CNBD1: variants seen among roughly 807,000 people sequenced by gnomAD.
CNBD1 encodes cyclic nucleotide binding domain containing 1.
CNBD1 carries 71 observed loss-of-function variants against 54.4 expected under a neutral mutation model. The observed-to-expected ratio is 1.30, with a 90% confidence interval of 1.08 to 1.59. CNBD1 has a LOEUF of 1.59. Ranked by LOEUF, CNBD1 falls within the 40% of genes most tolerant of loss-of-function variation. The pLI is 0.00. For missense variants in CNBD1, 659 were observed against 518.0 expected (o/e 1.27, Z -2.64); for synonymous variants, 182 against 170.7 (o/e 1.07, Z -0.51).
chr8:87,172,989 C>G (rs1813121099), intron 4 of CNBD1, among the ~76,000 whole-genome samples: 1 of 151,680 alleles, frequency 6.6e-6, no homozygotes, highest in African/African-American at 2.4e-5. Flanking sequence ...GGGGATTTTT[C>G]TCTGGTCATA....
intron 4 of CNBD1, among the ~76,000 whole-genome samples, chr8:86,956,424 T>G (rs1224778828): frequency 6.6e-6 from 1 of 152,228 alleles, no homozygotes; most frequent in African/African-American, 2.4e-5. Flanking sequence ...CCTTGGGCAG[T>G]ATGACCATTT....
At chr8:86,992,334 C>G (rs1193448887) in intron 4 of CNBD1, among the ~76,000 whole-genome samples, 2 of 151,916 alleles carry the variant, frequency 1.3e-5, no homozygotes, top group African/African-American at 2.4e-5. Context: ...ATACCAACTC[C>G]TGCTATTTTT....
intron 4 of CNBD1, among the ~76,000 whole-genome samples, chr8:87,177,532 T>C (rs938960817): frequency 6.6e-5 from 10 of 152,202 alleles, no homozygotes; most frequent in African/African-American, 1.9e-4. Context: ...AAATCGAGCA[T>C]TGATAATGCA....
chr8:87,125,021 A>G (rs1404680725), intron 4 of CNBD1, among the ~76,000 whole-genome samples: 1 of 151,820 alleles, frequency 6.6e-6, no homozygotes, highest in Non-Finnish European at 1.5e-5. Flanking sequence ...TTATCTGAAA[A>G]GGAAGTTAGG....
chr8:86,962,806 A>G (rs1807965963), intron 4 of CNBD1, among the ~76,000 whole-genome samples: 1 of 152,052 alleles, frequency 6.6e-6, no homozygotes, highest in Admixed American at 6.6e-5. Context: ...CAAAAAACAA[A>G]AAACAAAACA....
At chr8:87,277,813 A>G (rs2130864091) in intron 6 of CNBD1, among the ~76,000 whole-genome samples, 1 of 151,840 alleles carries the variant, frequency 6.6e-6, no homozygotes, top group South Asian at 2.1e-4. Context: ...TTCATACACA[A>G]CATCCAGCAT....
intron 6 of CNBD1, among the ~76,000 whole-genome samples, chr8:87,260,956 A>G (rs1016109536): frequency 2.0e-5 from 3 of 152,014 alleles, no homozygotes; most frequent in Non-Finnish European, 4.4e-5. Context: ...GATTTTTCCT[A>G]CCTAAGCATG....
rs759511593 is a variant in CNBD1 at position 87,284,674 on chromosome 8, A to G, written c.772-4A>G. On this transcript the variant is annotated splice_polypyrimidine_tract_variant and splice_region_variant and intron_variant, in intron 6 of 10. Coordinates refer to ENST00000518476, the MANE Select transcript of CNBD1 (RefSeq NM_173538.3). ...ACATTAAATTGTCTCTGGTATTTTT[A>G]CAGCTTAGCAAATGGAGTACCTTTG... 8.7e-5 allele frequency: 138 copies of G among 1,594,492 alleles called. No individual in the cohort carries two copies. The highest frequency in any genetic ancestry group is 1.1e-4 in the Non-Finnish European group (130 of 1,172,518).
At chr8:87,215,841 A>G (rs916695806) in intron 5 of CNBD1, among the ~76,000 whole-genome samples, 3 of 152,164 alleles carry the variant, frequency 2.0e-5, no homozygotes, top group Non-Finnish European at 4.4e-5. Flanking sequence ...CAGTTCCCCC[A>G]AAATTTCTAT....
chr8:87,345,258 G>A (rs796458465), intron 8 of CNBD1, among the ~76,000 whole-genome samples: 2 of 152,164 alleles, frequency 1.3e-5, no homozygotes, highest in South Asian at 2.1e-4. Context: ...CATAGTGCTA[G>A]AAAAACTGAA....
intron 5 of CNBD1, among the ~76,000 whole-genome samples, chr8:87,211,261 G>C (rs980510681): frequency 4.6e-5 from 7 of 152,088 alleles, no homozygotes; most frequent in African/African-American, 1.7e-4. Context: ...AGTACTTTTT[G>C]ATTTTATAGG....
chr8:87,364,397 CT>C (rs1810593201), intron 10 of CNBD1, among the ~76,000 whole-genome samples: 1 of 151,674 alleles, frequency 6.6e-6, no homozygotes, highest in Non-Finnish European at 1.5e-5. Flanking sequence ...TCGAGTTTGG[CT>C]TTTAGATAAT....
intron 4 of CNBD1, among the ~76,000 whole-genome samples, chr8:87,090,650 T>G (rs753673749): frequency 1.3e-5 from 2 of 152,262 alleles, no homozygotes; most frequent in Non-Finnish European, 2.9e-5. Context: ...ATAAATTTAC[T>G]GATTGAATTT....
At chr8:87,240,473 A>G (rs1335747823) in intron 6 of CNBD1, among the ~76,000 whole-genome samples, 1 of 152,128 alleles carries the variant, frequency 6.6e-6, no homozygotes, top group African/African-American at 2.4e-5. Flanking sequence ...TAGCACCTCA[A>G]TCAGATCCTA....
At chr8:87,372,134 G>A (rs1810822863) in intron 10 of CNBD1, among the ~76,000 whole-genome samples, 2 of 152,128 alleles carry the variant, frequency 1.3e-5, no homozygotes, top group Admixed American at 6.6e-5. Flanking sequence ...AGCAACTTCA[G>A]CCAAGTCTCA....
chr8:87,199,220 G>A (rs1276511426), intron 4 of CNBD1, among the ~76,000 whole-genome samples: 2 of 152,140 alleles, frequency 1.3e-5, no homozygotes, highest in South Asian at 2.1e-4. Context: ...GTCTCAACAC[G>A]TACAGAATGA....
At chr8:87,328,148 C>A (rs1563554625) in intron 8 of CNBD1, among the ~76,000 whole-genome samples, 1 of 151,956 alleles carries the variant, frequency 6.6e-6, no homozygotes, top group Non-Finnish European at 1.5e-5. Context: ...CCCCCAATCC[C>A]CCAACAGGCC....
chr8:87,307,355 A>G lies in CNBD1; in HGVS notation c.1042+20684A>G, dbSNP rs146787349. ...TACAGGTATTTAATGGGACATAGGC[A>G]TGGGTCATGCTTTGTAGAGTCAGGT... On this transcript the variant is annotated intron_variant, in intron 8 of 10. Transcript: ENST00000518476. Among the ~76,000 whole-genome samples the G allele has an allele frequency of 2.4e-3, 366 of 152,328 alleles. 2 individuals carry two copies. The highest frequency in any genetic ancestry group is 4.6e-3 in the South Asian group (22 of 4,828).
chr8:87,302,186 A>C (rs1235732404), intron 8 of CNBD1, among the ~76,000 whole-genome samples: 1 of 152,136 alleles, frequency 6.6e-6, no homozygotes, highest in Non-Finnish European at 1.5e-5. Context: ...ACACAACAAA[A>C]AAAGAGAATT....
Sources: gnomAD v4.1 joint callset for allele counts (sites outside exome capture counted in the v4.1 genomes callset) on GRCh38, gnomAD v4.1.1 for gene constraint, MANE v1.5 for transcripts, NCBI Gene and HGNC (gene_info 2026-07-23, HGNC 2026-07-21) for gene names.